Variants in VSX2 observed in about 807,000 individuals in gnomAD.
VSX2 encodes the protein ceh-10 homeo domain containing homolog.
Under a neutral mutation model 32.1 loss-of-function variants are expected in VSX2, and 28 were observed. The ratio of observed to expected loss-of-function variants is 0.87; its 90% CI spans 0.65 to 1.20. VSX2 has a LOEUF of 1.20. VSX2 is among the 50% of genes most tolerant of loss of function. The pLI is 0.00. For synonymous variants in VSX2, 243 were observed against 214.1 expected, an observed-to-expected ratio of 1.14 and a Z score of -1.18; for missense variants, 506 against 488.7, an observed-to-expected ratio of 1.04 and a Z score of -0.33.
Position 74,260,827 on chromosome 14 carries a change from C to T in VSX2, c.994C>T (p.Arg332Trp), listed in dbSNP as rs758917773. The T allele has an allele frequency of 1.7e-5, 27 of 1,567,008 alleles. No individual in the cohort carries two copies. Among genetic ancestry groups the T allele is most frequent in the South Asian group, 5.9e-5 (5 of 85,262 alleles). The change falls in exon 5 of 5, where the codon CGG becomes TGG. Residue 332 changes from arginine to tryptophan, a missense_variant. Transcript: ENST00000261980. Reference sequence around the variant, plus strand: ...TGTGTCTGGGCCGGACAGCCTGGCCCGGAGTACCGAGAAGCCAGAGGAGGA... The same window carrying T: ...TGTGTCTGGGCCGGACAGCCTGGCCTGGAGTACCGAGAAGCCAGAGGAGGA... ...GTVSGPDSLARSTEKPEEEEA... is the reference protein window; with the variant it reads ...GTVSGPDSLAWSTEKPEEEEA...
chr14:74,248,363 A>AAAAAC (rs1262699235), intron 3 of VSX2, among the ~76,000 whole-genome samples: 4 of 146,308 alleles, frequency 2.7e-5, no homozygotes, highest in East Asian at 2.2e-4. Context: ...AAAAAAAACC[A>AAAAAC]AAAACGAGAC....
intron 1 of VSX2, among the ~76,000 whole-genome samples, chr14:74,240,305 G>C (rs914915937): frequency 6.6e-6 from 1 of 152,180 alleles, no homozygotes; most frequent in Admixed American, 6.5e-5. Flanking sequence ...CCCCGGCCTG[G>C]TGTAGGATCC....
At chr14:74,246,931 A>T (rs1457121953) in intron 3 of VSX2, among the ~76,000 whole-genome samples, 1 of 152,090 alleles carries the variant, frequency 6.6e-6, no homozygotes, top group Non-Finnish European at 1.5e-5. Flanking sequence ...CCCAACAGGC[A>T]CATTTAACTT....
In VSX2 at chr14:74,250,595, G is replaced by A. The variant is rs903096382; in HGVS notation, c.579+5307G>A. The stretch of plus-strand genomic sequence containing the variant: ...AAAGTGGCCCCTGCCTAAGGGTAGG[G>A]AACAAAGTATTAGTGGGTCATATTC... On this transcript the variant is annotated intron_variant, in intron 3 of 4. Coordinates refer to ENST00000261980, the MANE Select transcript of VSX2 (RefSeq NM_182894.3). 2.0e-5 allele frequency among the ~76,000 whole-genome samples: 3 copies of A among 152,100 alleles called. No homozygotes were observed. In the East Asian group the frequency reaches 5.8e-4, roughly 29 times the overall value.
In VSX2 at chr14:74,262,494, TC is replaced by T. The variant is rs1362539073; in HGVS notation, c.*1576del. 2.2e-4 allele frequency: 34 copies of T among 152,384 alleles called. No individual in the cohort carries two copies. The highest frequency in any genetic ancestry group is 7.7e-4 in the African/African-American group (32 of 41,588). The allele number at this position is 152,384 out of a possible 1,614,324, so 9.4% of individuals were successfully genotyped here. ...AATTCCATATCAAAAGTTGATTTCT[TC>T]TTCATTCCATTTATGGAACTTCCCT... On this transcript the variant is annotated 3_prime_UTR_variant, in exon 5 of 5. Coordinates refer to ENST00000261980, the MANE Select transcript of VSX2 (RefSeq NM_182894.3).
intron 3 of VSX2, among the ~76,000 whole-genome samples, chr14:74,247,047 C>T (rs1043483009): frequency 2.6e-5 from 4 of 151,936 alleles, no homozygotes; most frequent in African/African-American, 9.7e-5. Flanking sequence ...GAGCTCATCG[C>T]CCTGGGACTG....
Position 74,260,674 on chromosome 14 carries a change from G to A in VSX2, c.841G>A (p.Asp281Asn), listed in dbSNP as rs748649139. ...EGERQALPKLDKMEQDERGPD... is the reference protein window; with the variant it reads ...EGERQALPKLNKMEQDERGPD... Reference sequence around the variant, plus strand: ...GGAACGCCAGGCCCTGCCCAAGCTCGACAAGATGGAGCAGGACGAGCGGGG... The same window carrying A: ...GGAACGCCAGGCCCTGCCCAAGCTCAACAAGATGGAGCAGGACGAGCGGGG... The change falls in exon 5 of 5, where the codon GAC becomes AAC. Residue 281 changes from aspartate to asparagine, a missense_variant. Coordinates refer to ENST00000261980, the MANE Select transcript of VSX2 (RefSeq NM_182894.3). 9 of 1,600,204 alleles carry A rather than the reference G, an allele frequency of 5.6e-6. No individual in the cohort carries two copies. Among genetic ancestry groups the A allele is most frequent in the South Asian group, 3.4e-5 (3 of 88,510 alleles).
chr14:74,256,300 G>A (rs192464740), intron 3 of VSX2, among the ~76,000 whole-genome samples: 10 of 152,172 alleles, frequency 6.6e-5, no homozygotes, highest in South Asian at 2.1e-4. Flanking sequence ...GTGTGGTGGC[G>A]GGCACCTGTA....
chr14:74,250,956 A>G (rs2079224361), intron 3 of VSX2, among the ~76,000 whole-genome samples: 1 of 151,684 alleles, frequency 6.6e-6, no homozygotes, highest in Non-Finnish European at 1.5e-5. Flanking sequence ...CCCAGGGCAG[A>G]TTTTTAAAAT....
intron 1 of VSX2, among the ~76,000 whole-genome samples, chr14:74,240,831 A>G (rs974922292): frequency 2.0e-5 from 3 of 152,044 alleles, no homozygotes; most frequent in Admixed American, 6.5e-5. Flanking sequence ...GGCCCGGGGC[A>G]TTGGGGCTGG....
chr14:74,258,646 G>A (rs1243117479), intron 3 of VSX2, among the ~76,000 whole-genome samples: 1 of 152,150 alleles, frequency 6.6e-6, no homozygotes, highest in Non-Finnish European at 1.5e-5. Flanking sequence ...GGGGCTCCCG[G>A]CTCTGTCAGC....
chr14:74,259,247 A>G (rs2079286867), intron 3 of VSX2, among the ~76,000 whole-genome samples: 1 of 152,168 alleles, frequency 6.6e-6, no homozygotes, highest in Admixed American at 6.5e-5. Flanking sequence ...TGCAAATCAG[A>G]AAAAAAGATT....
chr14:74,256,723 G>C (rs2079265639), intron 3 of VSX2, among the ~76,000 whole-genome samples: 1 of 145,570 alleles, frequency 6.9e-6, no homozygotes. Flanking sequence ...GCACAGGCTG[G>C]AGTGCAGTGG....
chr14:74,239,978 C>G, intron 1 of VSX2, 47 bp downstream of exon 1: 1 of 1,539,564 alleles, frequency 6.5e-7, no homozygotes, highest in Non-Finnish European at 8.8e-7. Flanking sequence ...GGGCGACAGC[C>G]GGGAGCCCCG....
intron 2 of VSX2, 131 bp from the exon 3 acceptor site, chr14:74,245,034 G>A (rs542832358): frequency 4.1e-6 from 4 of 978,720 alleles, no homozygotes; most frequent in East Asian, 2.7e-5. Context: ...GAGAGAATTT[G>A]TGTCCTATTG....
In VSX2 at chr14:74,239,650, C is replaced by T; in HGVS notation, c.89C>T (p.Thr30Ile). The T allele has an allele frequency of 6.4e-7, 1 of 1,550,744 alleles. No homozygotes were observed. ...STSGGAPARC[T>I]GFGIQEILGL... ...TCGGGGGGCGCCCCGGCCAGGTGCA[C>T]TGGGTTCGGCATCCAGGAGATCCTG... Residue 30 changes from threonine to isoleucine, a missense_variant, in exon 1 of 5, where the codon ACT becomes ATT. Thr to Ile is a moderately conservative substitution (Grantham distance 89, BLOSUM62 -1). Transcript: ENST00000261980.
chr14:74,255,570 G>A (rs2079257841), intron 3 of VSX2, among the ~76,000 whole-genome samples: 1 of 152,190 alleles, frequency 6.6e-6, no homozygotes, highest in Non-Finnish European at 1.5e-5. Context: ...CAAATTAGGA[G>A]ACCCAGGAAA....
chr14:74,249,874 A>G (rs571798478), intron 3 of VSX2, among the ~76,000 whole-genome samples: 35 of 152,214 alleles, frequency 2.3e-4, no homozygotes, highest in African/African-American at 8.2e-4. Flanking sequence ...GAGGTGGAGG[A>G]TTATGGTGCA....
At chr14:74,246,117 G>A (rs1456806770) in intron 3 of VSX2, among the ~76,000 whole-genome samples, 1 of 152,250 alleles carries the variant, frequency 6.6e-6, no homozygotes, top group Non-Finnish European at 1.5e-5. Flanking sequence ...CAGAAGGAGT[G>A]GGGTGGGAGG....
Sources: allele counts gnomAD v4.1 joint callset (sites outside exome capture counted in the v4.1 genomes callset), GRCh38; gene constraint gnomAD v4.1.1; transcripts MANE v1.5; gene names NCBI Gene and HGNC (gene_info 2026-07-23, HGNC 2026-07-21).